Variants in RAP1GAP observed in about 807,000 individuals in gnomAD.
The protein encoded by RAP1GAP is rap1 GTPase-activating protein 1.
In RAP1GAP, 35 loss-of-function variants were observed where a neutral mutation model predicts 87.2. The observed-to-expected ratio is 0.40, with a 90% CI of 0.31 to 0.53. The LOEUF (loss-of-function observed/expected upper bound fraction) is 0.53, where lower values mean the gene tolerates loss of function less well. Ranked by LOEUF, RAP1GAP falls within the 20% of genes least tolerant of loss-of-function variation. The pLI is 0.48. For missense variants in RAP1GAP, 734 were observed against 898.9 expected (o/e 0.82, Z 2.35); for synonymous variants, 375 against 363.9 (o/e 1.03, Z -0.35).
intron 2 of RAP1GAP, among the ~76,000 whole-genome samples, chr1:21,637,972 CAA>C (rs35411110): frequency 1.4e-5 from 1 of 70,146 alleles, no homozygotes. Context: ...CCATCTCTAC[CAA>C]AAAAAAAAAA....
intron 2 of RAP1GAP, among the ~76,000 whole-genome samples, chr1:21,635,622 C>G (rs1277082755): frequency 6.6e-6 from 1 of 152,220 alleles, no homozygotes; most frequent in Non-Finnish European, 1.5e-5. Flanking sequence ...TCTGCACCAG[C>G]CCTAGCTGGG....
At chr1:21,619,902 CT>C (rs1465962897) in intron 4 of RAP1GAP, 112 bp downstream of exon 4, 27 of 1,124,054 alleles carry the variant, frequency 2.4e-5, no homozygotes, top group Middle Eastern at 2.0e-4. Flanking sequence ...CCATCTTCTA[CT>C]GGCGTGGCCT....
chr1:21,658,686 G>A (rs189384029), intron 1 of RAP1GAP, among the ~76,000 whole-genome samples: 11 of 152,150 alleles, frequency 7.2e-5, no homozygotes, highest in Non-Finnish European at 1.3e-4. Context: ...GTTCGAGACC[G>A]GCCTGGTAAC....
intron 1 of RAP1GAP, among the ~76,000 whole-genome samples, chr1:21,660,850 C>T (rs778031080): frequency 3.9e-5 from 6 of 152,088 alleles, no homozygotes; most frequent in Non-Finnish European, 8.8e-5. Flanking sequence ...AGCCCAGGAG[C>T]CCTAGCTGAG....
intron 2 of RAP1GAP, among the ~76,000 whole-genome samples, chr1:21,633,975 C>T (rs1274337449): frequency 6.6e-6 from 1 of 151,762 alleles, no homozygotes; most frequent in Non-Finnish European, 1.5e-5. Flanking sequence ...AGAGCCGGGT[C>T]TCCTAGCCCT....
Position 21,602,896 on chromosome 1 carries a change from C to T in RAP1GAP, c.1446G>A (p.Gly482=), listed in dbSNP as rs1231914172. The change falls in exon 19 of 25, where the codon GGG becomes GGA. Residue 482 remains glycine (G), a synonymous_variant. Transcript: ENST00000374765. The stretch of plus-strand genomic sequence containing the variant: ...CCGACTTCTTCCTCGTGGGGCTCTT[C>T]CCAGGGACAATCAGTGACTGTGGGG... ...KAAGISLIVP[G]KSPTRKKSGP... 3 of 1,610,158 alleles carry T rather than the reference C, an allele frequency of 1.9e-6. No homozygotes were observed. Among genetic ancestry groups the T allele is most frequent in the East Asian group, 2.2e-5 (1 of 44,864 alleles).
At chr1:21,621,413 AC>A (rs2087402146) in intron 3 of RAP1GAP, among the ~76,000 whole-genome samples, 1 of 152,226 alleles carries the variant, frequency 6.6e-6, no homozygotes, top group East Asian at 1.9e-4. Flanking sequence ...CACAGCCCTC[AC>A]CCGCACACAC....
intron 2 of RAP1GAP, among the ~76,000 whole-genome samples, chr1:21,630,242 C>T (rs937892385): frequency 4.6e-5 from 7 of 151,238 alleles, no homozygotes; most frequent in Non-Finnish European, 8.8e-5. Flanking sequence ...AGTAGTTGCT[C>T]AATAAATACT....
Position 21,634,972 on chromosome 1 carries a change from T to C in RAP1GAP, c.-112-8575A>G, listed in dbSNP as rs536409320. 7.9e-5 allele frequency among the ~76,000 whole-genome samples: 12 copies of C among 152,338 alleles called. No homozygotes were observed. The highest frequency in any genetic ancestry group is 2.6e-4 in the African/African-American group (11 of 41,576). On this transcript the variant is annotated intron_variant, in intron 2 of 24. Coordinates refer to ENST00000374765, the MANE Select transcript of RAP1GAP (RefSeq NM_002885.4). This position sits in a 1 kb window ranked among gnomAD's most constrained non-coding sequence, Gnocchi z 4.1. The stretch of plus-strand genomic sequence containing the variant: ...ATCATCTGCTTCCCTAGCCTGGCAC[T>C]TTCCAGTTTACAAACTGCCTTTGCC...
chr1:21,615,420 C>T lies in RAP1GAP; in HGVS notation c.292-1331G>A, dbSNP rs139931136. Among the ~76,000 whole-genome samples, 3,498 of 151,634 alleles carry T rather than the reference C, an allele frequency of 0.023. 58 individuals carry two copies. The highest frequency in any genetic ancestry group is 0.026 in the East Asian group (136 of 5,148). On this transcript the variant is annotated intron_variant, in intron 7 of 24. Coordinates refer to ENST00000374765, the MANE Select transcript of RAP1GAP (RefSeq NM_002885.4). The surrounding 1 kb of genome is among the most constrained non-coding windows in gnomAD (Gnocchi z 4.5). The stretch of plus-strand genomic sequence containing the variant: ...TCTTCTTTTTTTTTTGAGATGGAGT[C>T]TTGCTCTGTCGCCCAGGCTGGAGTA...
chr1:21,611,322 G>C (rs746384278), intron 13 of RAP1GAP, 130 bp downstream of exon 13: 45 of 1,294,150 alleles, frequency 3.5e-5, no homozygotes, highest in Non-Finnish European at 4.5e-5. Context: ...GACCCCACAA[G>C]TGGGGGCGCT....
Position 21,622,495 on chromosome 1 carries a change from C to T in RAP1GAP, c.-18-2445G>A, listed in dbSNP as rs1008071381. The T allele has an allele frequency of 8.4e-5, 13 of 154,484 alleles. No individual in the cohort carries two copies. Among genetic ancestry groups the T allele is most frequent in the African/African-American group, 3.2e-4 (13 of 41,006 alleles). 9.6% of individuals were successfully genotyped at this position (154,484 alleles called of 1,614,324 possible). A position where few individuals can be genotyped will look rare whatever the true frequency, so the allele number is the denominator to read the frequency against. The stretch of plus-strand genomic sequence containing the variant: ...GCTCCTGGCCCGCGCGCGCCCGGGT[C>T]CGGGCCCCGCAGCGCTGAGCTCCGC... On this transcript the variant is annotated intron_variant, in intron 3 of 24. Transcript: ENST00000374765. The surrounding 1 kb of genome is among the most constrained non-coding windows in gnomAD (Gnocchi z 5.7).
intron 2 of RAP1GAP, among the ~76,000 whole-genome samples, chr1:21,641,425 C>T (rs1198891857): frequency 1.3e-5 from 2 of 152,204 alleles, no homozygotes; most frequent in Non-Finnish European, 2.9e-5. Flanking sequence ...ATTCAGGCCT[C>T]AGAGAGGCCC....
intron 1 of RAP1GAP, among the ~76,000 whole-genome samples, chr1:21,652,110 C>T: frequency 6.8e-6 from 1 of 146,710 alleles, no homozygotes; most frequent in Admixed American, 6.7e-5. Context: ...CCCCCACCCC[C>T]TTCCCGGCCG....
In RAP1GAP at chr1:21,619,054, G is replaced by A; in HGVS notation, c.37C>T (p.Gln13Ter). The A allele has an allele frequency of 6.2e-7, 1 of 1,602,316 alleles. No homozygotes were observed. The highest frequency in any genetic ancestry group is 8.5e-7 in the Non-Finnish European group (1 of 1,173,810). Reference protein sequence around the residue: ...EKMQGSRMDEQRCSFPPPLKT... With the variant: ...EKMQGSRMDE ...AGGGGCGGCGGGAAGGAGCAGCGTT[G>A]TTCATCCATCCTGCTTCCCTGTAAG... Residue 13 changes from glutamine to a stop codon, truncating the protein, a stop_gained, in exon 5 of 25, where the codon CAA becomes TAA. Coordinates refer to ENST00000374765, the MANE Select transcript of RAP1GAP (RefSeq NM_002885.4). LOFTEE classifies it high-confidence loss of function.
rs2089514868 is a variant in RAP1GAP at position 21,622,732 on chromosome 1, C to A, written c.-18-2682G>T. Among the ~76,000 whole-genome samples, 1 of 151,744 alleles carries A rather than the reference C, an allele frequency of 6.6e-6. No homozygotes were observed. The highest frequency in any genetic ancestry group is 1.5e-5 in the Non-Finnish European group (1 of 67,922). ...CGCTAGAAGCTTTGGGTGCGTCGGG[C>A]TCCCCGAGGGGGCCCCCCACTCGGT... On this transcript the variant is annotated intron_variant, in intron 3 of 24. Coordinates refer to ENST00000374765, the MANE Select transcript of RAP1GAP (RefSeq NM_002885.4). The surrounding 1 kb of genome is among the most constrained non-coding windows in gnomAD (Gnocchi z 5.7).
intron 23 of RAP1GAP, 46 bp from the exon 24 acceptor site, chr1:21,597,774 G>T: frequency 6.2e-7 from 1 of 1,607,892 alleles, no homozygotes; most frequent in Non-Finnish European, 8.5e-7. Flanking sequence ...GACGGGAGAA[G>T]CAACGGGGCG....
chr1:21,656,555 C>G (rs932610222), intron 1 of RAP1GAP, among the ~76,000 whole-genome samples: 1 of 152,056 alleles, frequency 6.6e-6, no homozygotes, highest in African/African-American at 2.4e-5. Context: ...CCAAGCCACA[C>G]CAACCCAATC....
At chr1:21,598,316 G>C in intron 22 of RAP1GAP, 84 bp downstream of exon 22, 1 of 1,257,326 alleles carries the variant, frequency 8.0e-7, no homozygotes, top group South Asian at 1.3e-5. Context: ...CCACTGCATG[G>C]GGCATGGGAA....
Sources: gnomAD v4.1 joint callset for allele counts (sites outside exome capture counted in the v4.1 genomes callset) on GRCh38, gnomAD v4.1.1 for gene constraint, Gnocchi (gnomAD v3.1) non-coding constraint, MANE v1.5 for transcripts, NCBI Gene and HGNC (gene_info 2026-07-23, HGNC 2026-07-21) for gene names.